Variants in FKTN observed in about 807,000 individuals in gnomAD.
The protein encoded by FKTN is ribitol-5-phosphate transferase FKTN.
Under a neutral mutation model 58.6 loss-of-function variants are expected in FKTN, and 47 were observed. The observed-to-expected ratio is 0.80, with a 90% CI of 0.63 to 1.02. The LOEUF (loss-of-function observed/expected upper bound fraction) is 1.02. FKTN is among the 50% of genes least tolerant of loss of function. FKTN has a pLI of 0.00. For missense variants in FKTN, 516 were observed against 537.3 expected (o/e 0.96, Z 0.39); for synonymous variants, 178 against 191.9 (o/e 0.93, Z 0.60).
At position 105,635,488 on chromosome 9, in the gene FKTN, A is replaced by G. The variant is rs1216364666; in HGVS notation, c.*224A>G. The G allele has an allele frequency of 3.5e-5, 50 of 1,414,750 alleles. No homozygotes were observed. Among genetic ancestry groups the G allele is most frequent in the Middle Eastern group, 2.6e-4 (1 of 3,804 alleles). The allele number at this position is 1,414,750 out of a possible 1,614,324, so 87.6% of individuals were successfully genotyped here. On this transcript the variant is annotated 3_prime_UTR_variant, in exon 11 of 11. Transcript: ENST00000357998. The stretch of plus-strand genomic sequence containing the variant: ...TACAGTGGAGAAGCCTAGATGAATG[A>G]GACAAATACCTACTTCTTTTATTCC...
At chr9:105,581,525 C>G (rs1842909055) in intron 3 of FKTN, among the ~76,000 whole-genome samples, 1 of 151,436 alleles carries the variant, frequency 6.6e-6, no homozygotes, top group African/African-American at 2.4e-5. Context: ...TCTGCCGGTT[C>G]TCAGATCTCC....
chr9:105,578,751 G>A (rs1842270898), intron 3 of FKTN, among the ~76,000 whole-genome samples: 1 of 151,754 alleles, frequency 6.6e-6, no homozygotes, highest in South Asian at 2.1e-4. Flanking sequence ...AATGGTACCA[G>A]CTCCTCCTTG....
intron 6 of FKTN, among the ~76,000 whole-genome samples, chr9:105,607,136 A>T (rs141596747): frequency 8.5e-5 from 13 of 152,124 alleles, no homozygotes; most frequent in African/African-American, 3.1e-4. Flanking sequence ...GATAAAAGCT[A>T]TCTCTACATT....
chr9:105,581,046 G>T (rs1842782491), intron 3 of FKTN, among the ~76,000 whole-genome samples: 1 of 147,018 alleles, frequency 6.8e-6, no homozygotes, highest in Admixed American at 6.7e-5. Context: ...CTCTGTATTG[G>T]TTATTCTAGT....
At position 105,558,155 on chromosome 9, in the gene FKTN, T is replaced by G. The variant is rs1171390669; in HGVS notation, c.-191T>G. ...GTAAAGCGGAGCGGCTGCAGCCTGCTGTTGAGTGAGGTAAGGTACGGGAGG... is the reference window on the plus strand; with the variant it reads ...GTAAAGCGGAGCGGCTGCAGCCTGCGGTTGAGTGAGGTAAGGTACGGGAGG... On this transcript the variant is annotated 5_prime_UTR_variant, in exon 1 of 11. Transcript: ENST00000357998. 1.3e-5 allele frequency: 2 copies of G among 149,524 alleles called. No homozygotes were observed. Among genetic ancestry groups the G allele is most frequent in the Non-Finnish European group, 2.9e-5 (2 of 68,098 alleles). The allele number at this position is 149,524 out of a possible 1,614,324, so 9.3% of individuals were successfully genotyped here. A position where few individuals can be genotyped will look rare whatever the true frequency, so the allele number is the denominator to read the frequency against.
In FKTN at chr9:105,638,322, G is replaced by A. The variant is rs1326216296; in HGVS notation, c.*3058G>A. 1.0e-6 allele frequency: 1 copy of A among 985,268 alleles called. No individual in the cohort carries two copies. Among genetic ancestry groups the A allele is most frequent in the Non-Finnish European group, 1.2e-6 (1 of 829,932 alleles). The allele number at this position is 985,268 out of a possible 1,614,324, so 61.0% of individuals were successfully genotyped here. A position where few individuals can be genotyped will look rare whatever the true frequency, so the allele number is the denominator to read the frequency against. Reference sequence around the variant, plus strand: ...CTTTTTGTTCAGATTGAGAACCTAAGGCGACAGAGAGGTCAAGGGGAAGTA... The same window carrying A: ...CTTTTTGTTCAGATTGAGAACCTAAAGCGACAGAGAGGTCAAGGGGAAGTA... On this transcript the variant is annotated 3_prime_UTR_variant, in exon 11 of 11. Coordinates refer to ENST00000357998, the MANE Select transcript of FKTN (RefSeq NM_001079802.2).
intron 3 of FKTN, among the ~76,000 whole-genome samples, chr9:105,582,541 A>G (rs1224549346): frequency 1.1e-4 from 16 of 152,184 alleles, no homozygotes; most frequent in Non-Finnish European, 1.3e-4. Flanking sequence ...ATTTACCCAT[A>G]CAAACCACCC....
intron 1 of FKTN, among the ~76,000 whole-genome samples, chr9:105,560,746 G>A (rs1276424015): frequency 6.6e-6 from 1 of 152,106 alleles, no homozygotes; most frequent in Admixed American, 6.5e-5. Context: ...ATACCCAAGT[G>A]TCCAGAACCA....
At chr9:105,606,202 C>G (rs10978169) in intron 6 of FKTN, among the ~76,000 whole-genome samples, 19,375 of 151,988 alleles carry the variant, frequency 0.13, 1,614 homozygotes, top group East Asian at 0.46. Flanking sequence ...TACAGGGAAA[C>G]TGGAAGAATT....
At chr9:105,562,878 C>T (rs1401074708) in intron 1 of FKTN, among the ~76,000 whole-genome samples, 1 of 152,158 alleles carries the variant, frequency 6.6e-6, no homozygotes. Flanking sequence ...TCGGGGATCC[C>T]ACAGCATAAG....
intron 10 of FKTN, among the ~76,000 whole-genome samples, chr9:105,623,787 T>G (rs1832355004): frequency 6.6e-6 from 1 of 152,190 alleles, no homozygotes; most frequent in Admixed American, 6.5e-5. Flanking sequence ...AGTACTCTGA[T>G]AGCAGTACTG....
At position 105,638,580 on chromosome 9, in the gene FKTN, C is replaced by G. The variant is rs1834208283; in HGVS notation, c.*3316C>G. The G allele has an allele frequency of 2.0e-6, 2 of 985,308 alleles. No homozygotes were observed. The highest frequency in any genetic ancestry group is 2.4e-6 in the Non-Finnish European group (2 of 829,922). The allele number at this position is 985,308 out of a possible 1,614,324, so 61.0% of individuals were successfully genotyped here. On this transcript the variant is annotated 3_prime_UTR_variant, in exon 11 of 11. Transcript: ENST00000357998. ...AAGTCTCTCCCCTTCCTGAAGTGAC[C>G]TTTTATGAGGCTCTTTCCTTCCTAA...
chr9:105,574,074 G>C (rs901562523), intron 2 of FKTN: 1 of 152,142 alleles, frequency 6.6e-6, no homozygotes, highest in Non-Finnish European at 1.5e-5. Flanking sequence ...AAATAACTAT[G>C]AGATTTGTAG....
rs2132798933 is a variant in FKTN at position 105,604,397 on chromosome 9, C to T, written c.552C>T (p.Leu184=). 6.2e-7 allele frequency: 1 copy of T among 1,613,988 alleles called. No homozygotes were observed. Among genetic ancestry groups the T allele is most frequent in the Non-Finnish European group, 8.5e-7 (1 of 1,179,824 alleles). Residue 184 remains leucine (L), a synonymous_variant, in exon 6 of 11, where the codon CTC becomes CTT. Transcript: ENST00000357998. ...TTCATGAGAGGAGTGGCAACTACCT[C>T]TGGCACGGCCACTTGAGACTTAAAG... is the stretch of plus-strand genomic sequence containing the variant. ...VVFHERSGNY[L]WHGHLRLKEH...
In FKTN at chr9:105,588,243, A is replaced by G. The variant is rs186621773; in HGVS notation, c.106-8355A>G. Among the ~76,000 whole-genome samples, 448 of 152,314 alleles carry G rather than the reference A, an allele frequency of 2.9e-3. 2 individuals are homozygous for G. The highest frequency in any genetic ancestry group is 5.2e-3 in the Admixed American group (80 of 15,308). On this transcript the variant is annotated intron_variant, in intron 3 of 10. Transcript: ENST00000357998. The stretch of plus-strand genomic sequence containing the variant: ...TTTGACCCAGTTATCACTAGAGTTC[A>G]GTTGCTACCAGACTTTTCCTACCAG...
chr9:105,639,275 C>T lies in FKTN; in HGVS notation c.*4011C>T. The T allele has an allele frequency of 1.0e-6, 1 of 985,398 alleles. No homozygotes were observed. Among genetic ancestry groups the T allele is most frequent in the Non-Finnish European group, 1.2e-6 (1 of 829,920 alleles). The allele number at this position is 985,398 out of a possible 1,614,324, so 61.0% of individuals were successfully genotyped here. A position where few individuals can be genotyped will look rare whatever the true frequency, so the allele number is the denominator to read the frequency against. On this transcript the variant is annotated 3_prime_UTR_variant, in exon 11 of 11. Coordinates refer to ENST00000357998, the MANE Select transcript of FKTN (RefSeq NM_001079802.2). ...TCCTTGTCTTCCACTATCATTAAGA[C>T]CTGGGCTAGATCACCTCTAACATCT...
chr9:105,613,614 C>T (rs1306667165), intron 7 of FKTN, among the ~76,000 whole-genome samples: 1 of 152,182 alleles, frequency 6.6e-6, no homozygotes, highest in Non-Finnish European at 1.5e-5. Context: ...CATTCTAAAC[C>T]TGTAGATACA....
intron 4 of FKTN, among the ~76,000 whole-genome samples, chr9:105,600,738 T>C (rs1356749979): frequency 6.6e-6 from 1 of 152,178 alleles, no homozygotes; most frequent in East Asian, 1.9e-4. Flanking sequence ...AGCTGACGGA[T>C]AGTTCTCTCA....
rs775000597 is a variant in FKTN at position 105,635,233 on chromosome 9, C to T, written c.1355C>T (p.Ser452Phe). The part of the protein sequence containing the change: ...NVQPNGIWPI[S>F]EWDEVIQLY ...CAACCCAATGGAATCTGGCCTATTT[C>T]TGAGTGGGATGAGGTTATCCAGTTA... Residue 452 changes from serine to phenylalanine, a missense_variant, in exon 11 of 11, where the codon TCT becomes TTT. Coordinates refer to ENST00000357998, the MANE Select transcript of FKTN (RefSeq NM_001079802.2). The T allele has an allele frequency of 1.6e-5, 26 of 1,613,944 alleles. No homozygotes were observed. In the South Asian group the frequency reaches 2.7e-4, roughly 17 times the overall value.
Sources: allele counts gnomAD v4.1 joint callset (sites outside exome capture counted in the v4.1 genomes callset), GRCh38; gene constraint gnomAD v4.1.1; transcripts MANE v1.5; gene names NCBI Gene and HGNC (gene_info 2026-07-23, HGNC 2026-07-21).